The following PWWP2A variants were observed in gnomAD, a reference collection of about 807,000 sequenced individuals.
PWWP2A encodes the protein PWWP domain-containing protein 2A.
In PWWP2A, 18 loss-of-function variants were observed where a neutral mutation model predicts 48.5. The observed-to-expected ratio is 0.37, with a 90% CI of 0.26 to 0.55. The LOEUF (loss-of-function observed/expected upper bound fraction) is 0.55. Ranked by LOEUF, PWWP2A falls within the 20% of genes least tolerant of loss-of-function variation. The pLI, the probability that PWWP2A is intolerant of heterozygous loss-of-function variation, is 0.81. For missense variants in PWWP2A, 867 were observed against 976.4 expected, an observed-to-expected ratio of 0.89 and a Z score of 1.49; for synonymous variants, 396 against 387.7, an observed-to-expected ratio of 1.02 and a Z score of -0.25.
At chr5:160,080,127 C>T (rs182458322) in intron 3 of PWWP2A, among the ~76,000 whole-genome samples, 1 of 152,252 alleles carries the variant, frequency 6.6e-6, no homozygotes, top group Non-Finnish European at 1.5e-5. Context: ...TCTTTTACCA[C>T]CCTCTGGAAT....
At chr5:160,117,976 C>G in intron 1 of PWWP2A, 2 of 645,264 alleles carry the variant, frequency 3.1e-6, no homozygotes, top group Non-Finnish European at 3.9e-6. Context: ...AACAGGTTCT[C>G]TTCCCCTGTT....
At chr5:160,053,496 C>G in the PWWP2A span, among the ~76,000 whole-genome samples, 2 of 151,916 alleles carry the variant, frequency 1.3e-5, no homozygotes, top group Non-Finnish European at 2.9e-5. Flanking sequence ...CCCAGGAGAT[C>G]GAGACTTCAG....
At chr5:160,083,862 T>A (rs930033069) in intron 2 of PWWP2A, among the ~76,000 whole-genome samples, 4 of 152,196 alleles carry the variant, frequency 2.6e-5, no homozygotes, top group Non-Finnish European at 5.9e-5. Context: ...AATAAATGAA[T>A]GGGGCAAGAG....
downstream of PWWP2A, chr5:160,090,555 T>C: frequency 1.0e-6 from 1 of 984,358 alleles, no homozygotes; most frequent in Non-Finnish European, 1.2e-6. Flanking sequence ...GTTTTCAAAA[T>C]GTGTGTTTAT....
intron 1 of PWWP2A, among the ~76,000 whole-genome samples, chr5:160,104,122 C>CAAA (rs70990703): frequency 6.5e-5 from 4 of 61,762 alleles, no homozygotes; most frequent in Non-Finnish European, 8.6e-5. Flanking sequence ...GACTCTGTCT[C>CAAA]AAAAAAAAAA....
intron 1 of PWWP2A, among the ~76,000 whole-genome samples, chr5:160,102,417 A>G (rs1045862505): frequency 4.0e-5 from 6 of 151,516 alleles, no homozygotes; most frequent in Non-Finnish European, 8.8e-5. Context: ...AAAAAAAAAA[A>G]AAAATGCAGC....
Position 160,082,928 on chromosome 5 carries a change from C to T in PWWP2A, c.1550-2158G>A, listed in dbSNP as rs546756960. On this transcript the variant is annotated intron_variant, in intron 2 of 3. Transcript: ENST00000456329. ...AGCAGCAGAACTGTAATGGGCAAAC[C>T]AGAACAGGGTAACCCTCAATCTCCC... 2.0e-5 allele frequency among the ~76,000 whole-genome samples: 3 copies of T among 152,224 alleles called. No homozygotes were observed. The South Asian group carries it at 6.2e-4, about 32-fold the overall frequency.
rs541625726 is a variant in PWWP2A at position 160,108,344 on chromosome 5, T to C, written c.584+10461A>G. Among the ~76,000 whole-genome samples the C allele has an allele frequency of 3.9e-5, 6 of 152,366 alleles. No homozygotes were observed. In the East Asian group the frequency reaches 7.7e-4, roughly 20 times the overall value. ...CAGTAGTGGGCGTCCTAAAGCTGTGTGGGTCAGGGAGTGACTGGCACTTGC... is the reference window on the plus strand; with the variant it reads ...CAGTAGTGGGCGTCCTAAAGCTGTGCGGGTCAGGGAGTGACTGGCACTTGC... On this transcript the variant is annotated intron_variant, in intron 1 of 1. Coordinates refer to ENST00000307063, the MANE Select transcript of PWWP2A (RefSeq NM_001130864.2).
chr5:160,115,137 CAAAAAAA>C (rs535110852), intron 1 of PWWP2A, among the ~76,000 whole-genome samples: 1 of 88,412 alleles, frequency 1.1e-5, no homozygotes, highest in African/African-American at 5.7e-5. Flanking sequence ...GAGACTCTGT[CAAAAAAA>C]AAAAAAAAAA....
downstream of PWWP2A, among the ~76,000 whole-genome samples, chr5:160,073,290 G>A (rs541238495): frequency 1.9e-4 from 29 of 150,546 alleles, no homozygotes; most frequent in South Asian, 4.4e-3. Flanking sequence ...GTACAGTGGC[G>A]CGATCTCAGC....
the PWWP2A span, among the ~76,000 whole-genome samples, chr5:160,051,816 T>C: frequency 6.6e-6 from 1 of 152,252 alleles, no homozygotes; most frequent in African/African-American, 2.4e-5. Flanking sequence ...CTTAAGTCTT[T>C]TCCACATGTA....
intron 2 of PWWP2A, among the ~76,000 whole-genome samples, chr5:160,068,088 G>T (rs142806843): frequency 0.033 from 5,004 of 152,304 alleles, 115 homozygotes; most frequent in East Asian, 0.1. Context: ...GGCTAAGGCA[G>T]GAGAATCGCT....
Position 160,093,908 on chromosome 5 carries a change from G to A in PWWP2A, c.742C>T (p.His248Tyr). 1.9e-6 allele frequency: 3 copies of A among 1,614,072 alleles called. No homozygotes were observed. Among genetic ancestry groups the A allele is most frequent in the Non-Finnish European group, 2.5e-6 (3 of 1,179,904 alleles). ...CTTTCAGCCAAGCTCAGCTCGGGAT[G>A]CGGGACAGGAGAAGGGTCATCGGGA... ...AVPDDPSPVP[H>Y]PELSLAESLW... is the part of the protein sequence containing the mutation. The change falls in exon 2 of 2, where the codon CAT becomes TAT. Residue 248 changes from histidine to tyrosine, a missense_variant. His to Tyr is a moderately conservative substitution (Grantham distance 83). Around this residue, in one of 4 missense-constraint regions of PWWP2A, gnomAD observed 385 missense variants for 396.9 expected, o/e 0.97. Coordinates refer to ENST00000307063, the MANE Select transcript of PWWP2A (RefSeq NM_001130864.2). The surrounding 1 kb of genome is among the most constrained non-coding windows in gnomAD (Gnocchi z 5.8).
At chr5:160,068,267 CGTT>C (rs1419554816) in intron 2 of PWWP2A, among the ~76,000 whole-genome samples, 20 of 152,180 alleles carry the variant, frequency 1.3e-4, no homozygotes, top group Non-Finnish European at 2.2e-4. Context: ...CATACTGTGA[CGTT>C]GTACATATTC....
intron 1 of PWWP2A, among the ~76,000 whole-genome samples, chr5:160,112,315 G>C (rs1210830987): frequency 3.3e-5 from 5 of 152,008 alleles, no homozygotes. Context: ...CCACCTCCCA[G>C]GTTCAAGCAA....
chr5:160,098,897 C>T (rs1755962046), intron 1 of PWWP2A, among the ~76,000 whole-genome samples: 1 of 152,180 alleles, frequency 6.6e-6, no homozygotes, highest in Non-Finnish European at 1.5e-5. Context: ...GATCACGCCA[C>T]TGCACTCCAG....
chr5:160,052,235 CG>C, the PWWP2A span, among the ~76,000 whole-genome samples: 239 of 152,258 alleles, frequency 1.6e-3, 6 homozygotes, highest in South Asian at 0.044. Context: ...TGGCCAGGCA[CG>C]GTGGCTCCTG....
intron 1 of PWWP2A, among the ~76,000 whole-genome samples, chr5:160,110,342 AGG>A: frequency 6.6e-6 from 1 of 152,198 alleles, no homozygotes; most frequent in African/African-American, 2.4e-5. Flanking sequence ...ATGATATAAA[AGG>A]ATTACTGCTA....
At chr5:160,112,072 A>T (rs1054838899) in intron 1 of PWWP2A, among the ~76,000 whole-genome samples, 2 of 150,072 alleles carry the variant, frequency 1.3e-5, no homozygotes, top group African/African-American at 2.5e-5. Flanking sequence ...GGCTGCAGTG[A>T]ACTGTGAGTG....
Sources: allele counts gnomAD v4.1 joint callset (sites outside exome capture counted in the v4.1 genomes callset), GRCh38; gene constraint gnomAD v4.1.1; regional missense constraint gnomAD v4.1.1; non-coding constraint Gnocchi (gnomAD v3.1); transcripts MANE v1.5; gene names NCBI Gene and HGNC (gene_info 2026-07-23, HGNC 2026-07-21).